Variants in VSIG1 observed in about 807,000 individuals in gnomAD.
VSIG1 encodes the protein V-set and immunoglobulin domain-containing protein 1.
VSIG1 carries 11 observed loss-of-function variants against 20.1 expected under a neutral mutation model. The ratio of observed to expected loss-of-function variants is 0.55; its 90% CI spans 0.34 to 0.91. The LOEUF (loss-of-function observed/expected upper bound fraction) is 0.91, where lower values mean the gene tolerates loss of function less well. Ranked by LOEUF, VSIG1 falls within the 40% of genes least tolerant of loss-of-function variation. The pLI is 0.02. For synonymous variants in VSIG1, 126 were observed against 116.7 expected (o/e 1.08, Z -0.52); for missense variants, 283 against 298.8 (o/e 0.95, Z 0.39).
At chrX:108,033,820 A>C in the VSIG1 span, among the ~76,000 whole-genome samples, 2 of 110,580 alleles carry the variant, frequency 1.8e-5, no homozygotes, top group Non-Finnish European at 3.8e-5. Flanking sequence ...GAAAATTAGA[A>C]AGCTCACTGC....
chrX:108,067,081 AC>A lies in VSIG1; in HGVS notation c.365del (p.Pro122GlnfsTer16). The A allele has an allele frequency of 4.1e-6, 5 of 1,210,698 alleles. No homozygotes were observed. Among genetic ancestry groups the A allele is most frequent in the Non-Finnish European group, 5.6e-6 (5 of 895,170 alleles). ...DSGIYICDVNNPPDFLGQNQG... is the reference protein window; with the variant it reads ...DSGIYICDVNXPPDFLGQNQG... ...GGAATTTACATCTGCGATGTTAACA[AC>A]CCCCCAGACTTTCTCGGCCAAAACC... On this transcript the variant is annotated frameshift_variant, in exon 3 of 7. Coordinates refer to ENST00000217957, the MANE Select transcript of VSIG1 (RefSeq NM_182607.5). LOFTEE classifies it high-confidence loss of function.
the VSIG1 span, among the ~76,000 whole-genome samples, chrX:108,024,768 CTT>C: frequency 1.5e-3 from 170 of 111,241 alleles, no homozygotes; most frequent in Non-Finnish European, 2.9e-3. Context: ...CAAATTTCCT[CTT>C]GTTACTAATT....
the VSIG1 span, among the ~76,000 whole-genome samples, chrX:108,032,565 G>A: frequency 8.9e-6 from 1 of 111,773 alleles, no homozygotes; most frequent in African/African-American, 3.3e-5. Flanking sequence ...TAGGGTGACA[G>A]GTGCATAGGG....
chrX:108,053,332 TA>T (rs1237783690), intron 1 of VSIG1, among the ~76,000 whole-genome samples: 1 of 111,668 alleles, frequency 9.0e-6, no homozygotes, highest in African/African-American at 3.3e-5. Flanking sequence ...CAATGATATT[TA>T]AAAGTGGGGA....
chrX:108,067,173 A>C (rs1257602444), intron 3 of VSIG1, 39 bp downstream of exon 3: 1 of 1,176,483 alleles, frequency 8.5e-7, no homozygotes, highest in Non-Finnish European at 1.2e-6. Flanking sequence ...TTCTTGGAAA[A>C]AGTTAGGACA....
chrX:108,038,288 C>T, the VSIG1 span, among the ~76,000 whole-genome samples: 2 of 110,856 alleles, frequency 1.8e-5, no homozygotes, highest in African/African-American at 6.6e-5. Context: ...GTGTGTTGTT[C>T]CCCTCCCTGT....
At position 108,062,351 on chromosome X, in the gene VSIG1, A is replaced by G. The variant is rs572723166; in HGVS notation, c.213+4150A>G. On this transcript the variant is annotated intron_variant, in intron 2 of 6. Coordinates refer to ENST00000217957, the MANE Select transcript of VSIG1 (RefSeq NM_182607.5). Reference sequence around the variant, plus strand: ...GGCTTCTCAGGTTTTACAACCTGAAATACACAGGACAGAGCCACACAATAA... The same window carrying G: ...GGCTTCTCAGGTTTTACAACCTGAAGTACACAGGACAGAGCCACACAATAA... Among the ~76,000 whole-genome samples the G allele has an allele frequency of 2.7e-4, 30 of 111,686 alleles. No individual in the cohort carries two copies. In the South Asian group the frequency reaches 0.012, roughly 43 times the overall value.
chrX:108,076,007 C>G, intron 5 of VSIG1, 70 bp from the exon 6 acceptor site: 1 of 1,166,927 alleles, frequency 8.6e-7, no homozygotes, highest in Non-Finnish European at 1.2e-6. Context: ...ATATTCCCCA[C>G]TAGTCACAAA....
the VSIG1 span, among the ~76,000 whole-genome samples, chrX:108,037,148 C>T: frequency 8.9e-6 from 1 of 111,973 alleles, no homozygotes; most frequent in East Asian, 2.8e-4. Flanking sequence ...TCTTTAGAAC[C>T]ATTCCAATAT....
At chrX:108,027,968 C>T in the VSIG1 span, among the ~76,000 whole-genome samples, 480 of 111,019 alleles carry the variant, frequency 4.3e-3, 2 homozygotes, top group African/African-American at 0.015. Context: ...CTTGATCATC[C>T]CTTTTATATA....
At chrX:108,051,496 C>CCTGCTT (rs771787662) in intron 1 of VSIG1, among the ~76,000 whole-genome samples, 1 of 112,197 alleles carries the variant, frequency 8.9e-6, no homozygotes, top group African/African-American at 3.2e-5. Flanking sequence ...TAAGCCAACA[C>CCTGCTT]CTGCTTGCAT....
the VSIG1 span, among the ~76,000 whole-genome samples, chrX:108,024,489 A>G: frequency 9.4e-6 from 1 of 106,684 alleles, no homozygotes; most frequent in East Asian, 3.0e-4. Context: ...GCTTGCTTTG[A>G]GATCAGTTTC....
At chrX:108,065,605 T>G (rs2031111295) in intron 2 of VSIG1, among the ~76,000 whole-genome samples, 1 of 112,203 alleles carries the variant, frequency 8.9e-6, no homozygotes, top group Non-Finnish European at 1.9e-5. Flanking sequence ...ATGTACCATC[T>G]ACATGATTTT....
chrX:108,021,640 C>T, the VSIG1 span, among the ~76,000 whole-genome samples: 28 of 112,232 alleles, frequency 2.5e-4, no homozygotes, highest in Middle Eastern at 4.6e-3. Flanking sequence ...ATCCAAAGTA[C>T]GAAGATTTAC....
chrX:108,072,932 C>T, intron 4 of VSIG1, 100 bp downstream of exon 4: 1 of 911,679 alleles, frequency 1.1e-6, no homozygotes, highest in Non-Finnish European at 1.5e-6. Context: ...GTTCAATCTT[C>T]TTGTTTTCTC....
chrX:108,054,674 A>G (rs2030856619), intron 1 of VSIG1, among the ~76,000 whole-genome samples: 1 of 110,929 alleles, frequency 9.0e-6, no homozygotes, highest in Non-Finnish European at 1.9e-5. Flanking sequence ...AAAGTATCTA[A>G]ACACGTGGAA....
chrX:108,033,977 A>ATTTTTTTTT, the VSIG1 span, among the ~76,000 whole-genome samples: 1 of 110,352 alleles, frequency 9.1e-6, no homozygotes, highest in South Asian at 3.9e-4. Context: ...AAGCAGAAAA[A>ATTTTTTTTT]GGAAGACACA....
the VSIG1 span, among the ~76,000 whole-genome samples, chrX:108,024,006 G>A: frequency 1.8e-5 from 2 of 111,683 alleles, no homozygotes; most frequent in African/African-American, 6.5e-5. Flanking sequence ...GTAGTTCTGA[G>A]TATAGGCTCT....
chrX:108,045,490 G>A (rs2030552825), intron 1 of VSIG1, among the ~76,000 whole-genome samples: 1 of 112,767 alleles, frequency 8.9e-6, no homozygotes, highest in Non-Finnish European at 1.9e-5. Flanking sequence ...CAAACTTTGT[G>A]CTAGGGATAA....
Sources: gnomAD v4.1 joint callset for allele counts (sites outside exome capture counted in the v4.1 genomes callset) on GRCh38, gnomAD v4.1.1 for gene constraint, MANE v1.5 for transcripts, NCBI Gene and HGNC (gene_info 2026-07-23, HGNC 2026-07-21) for gene names.